CSTPP1: variants seen among roughly 807,000 people sequenced by gnomAD.
The protein encoded by CSTPP1 is UPF0705 protein C11orf49.
chr11:46,998,556 C>T, the CSTPP1 span, among the ~76,000 whole-genome samples: 1 of 152,146 alleles, frequency 6.6e-6, no homozygotes, highest in South Asian at 2.1e-4. Flanking sequence ...GCTCCAGAAA[C>T]TTTTGGGTTT....
At chr11:46,950,411 G>C in the CSTPP1 span, among the ~76,000 whole-genome samples, 1 of 151,874 alleles carries the variant, frequency 6.6e-6, no homozygotes, top group East Asian at 2.0e-4. Flanking sequence ...CTGACCTTGT[G>C]ATCCGCCTGC....
the CSTPP1 span, among the ~76,000 whole-genome samples, chr11:47,100,476 A>C: frequency 1.3e-5 from 2 of 152,346 alleles, no homozygotes; most frequent in Admixed American, 1.3e-4. Flanking sequence ...TATGTCACAC[A>C]TAAGGGCAAA....
chr11:47,038,575 C>T, the CSTPP1 span, among the ~76,000 whole-genome samples: 1 of 101,496 alleles, frequency 9.9e-6, no homozygotes, highest in African/African-American at 3.0e-5. Context: ...GCTGGCCGGG[C>T]GGGGGGCTGA....
chr11:47,040,422 G>C, the CSTPP1 span, among the ~76,000 whole-genome samples: 900 of 126,898 alleles, frequency 7.1e-3, 86 homozygotes, highest in African/African-American at 0.021. Context: ...CAGGAGAATA[G>C]ACTCCCTCCC....
chr11:47,075,615 G>C, the CSTPP1 span, among the ~76,000 whole-genome samples: 1 of 151,934 alleles, frequency 6.6e-6, no homozygotes, highest in Admixed American at 6.6e-5. Flanking sequence ...ATTGGAGGTG[G>C]GTTCAAGAAT....
the CSTPP1 span, among the ~76,000 whole-genome samples, chr11:46,986,688 G>A: frequency 6.6e-6 from 1 of 151,950 alleles, no homozygotes; most frequent in Non-Finnish European, 1.5e-5. Flanking sequence ...AGCTGGTCTC[G>A]AACTCCTGAC....
At chr11:47,092,015 A>G in the CSTPP1 span, among the ~76,000 whole-genome samples, 4 of 152,360 alleles carry the variant, frequency 2.6e-5, no homozygotes, top group South Asian at 6.2e-4. Context: ...TATAGCAACC[A>G]TAGGAATTGA....
At chr11:47,003,030 G>T in the CSTPP1 span, among the ~76,000 whole-genome samples, 4 of 152,076 alleles carry the variant, frequency 2.6e-5, no homozygotes. Context: ...AAGAAACTAG[G>T]CCAGATTATA....
chr11:47,083,047 C>G, the CSTPP1 span, among the ~76,000 whole-genome samples: 2 of 151,868 alleles, frequency 1.3e-5, no homozygotes, highest in African/African-American at 2.4e-5. Flanking sequence ...ACCTCACCCC[C>G]CAACAGGCCC....
At chr11:46,997,656 G>C in the CSTPP1 span, among the ~76,000 whole-genome samples, 3 of 152,172 alleles carry the variant, frequency 2.0e-5, no homozygotes, top group East Asian at 3.8e-4. Context: ...AGAATTTTCA[G>C]CTTTTCTGCT....
At chr11:47,054,170 G>A in the CSTPP1 span, among the ~76,000 whole-genome samples, 32 of 151,554 alleles carry the variant, frequency 2.1e-4, no homozygotes, top group African/African-American at 6.5e-4. Flanking sequence ...AATTAGCCGG[G>A]TGTGGTGGCG....
chr11:47,072,283 T>G, the CSTPP1 span, among the ~76,000 whole-genome samples: 4 of 152,216 alleles, frequency 2.6e-5, no homozygotes, highest in Non-Finnish European at 5.9e-5. Context: ...CTGGAAATTC[T>G]CATCTGGCAT....
the CSTPP1 span, among the ~76,000 whole-genome samples, chr11:47,107,860 C>CG: frequency 2.0e-5 from 3 of 152,118 alleles, no homozygotes; most frequent in South Asian, 4.2e-4. Flanking sequence ...ACAATTCCCC[C>CG]CCAGTTCCCT....
the CSTPP1 span, chr11:47,137,316 A>G: frequency 7.3e-6 from 10 of 1,361,826 alleles, no homozygotes; most frequent in Admixed American, 6.5e-5. Context: ...GTTCTTCCAG[A>G]TTTTTATATA....
At chr11:46,988,763 G>A in the CSTPP1 span, among the ~76,000 whole-genome samples, 1 of 152,014 alleles carries the variant, frequency 6.6e-6, no homozygotes, top group East Asian at 1.9e-4. Flanking sequence ...TTGATGGGGT[G>A]GATACCCTAT....
At chr11:47,115,445 T>C in the CSTPP1 span, among the ~76,000 whole-genome samples, 1 of 152,112 alleles carries the variant, frequency 6.6e-6, no homozygotes, top group Non-Finnish European at 1.5e-5. Flanking sequence ...ATCCATCTGG[T>C]CCTGGACTTC....
At chr11:47,122,129 G>T in the CSTPP1 span, among the ~76,000 whole-genome samples, 7 of 92,140 alleles carry the variant, frequency 7.6e-5, no homozygotes, top group South Asian at 2.3e-3. Context: ...TTAGAAAAAT[G>T]AGATCTATGG....
At chr11:47,061,062 A>T in the CSTPP1 span, among the ~76,000 whole-genome samples, 1 of 152,196 alleles carries the variant, frequency 6.6e-6, no homozygotes, top group Non-Finnish European at 1.5e-5. Context: ...AAGTATGGCC[A>T]GTTTTATCCC....
the CSTPP1 span, chr11:47,052,460 T>C: frequency 1.2e-6 from 2 of 1,613,868 alleles, no homozygotes; most frequent in African/African-American, 2.7e-5. Context: ...CCCCCCACAA[T>C]AGGGTATCAT....
Sources: gnomAD v4.1 joint callset for allele counts (sites outside exome capture counted in the v4.1 genomes callset) on GRCh38, gnomAD v4.1.1 for gene constraint, MANE v1.5 for transcripts, NCBI Gene and HGNC (gene_info 2026-07-23, HGNC 2026-07-21) for gene names.